NACC1: variants seen among roughly 807,000 people sequenced by gnomAD.
The protein encoded by NACC1 is nucleus accumbens-associated protein 1.
NACC1 carries 6 observed loss-of-function variants against 41.7 expected under a neutral mutation model. The ratio of observed to expected loss-of-function variants is 0.14; its 90% CI spans 0.08 to 0.28. The LOEUF (loss-of-function observed/expected upper bound fraction) is 0.28, where lower values mean the gene tolerates loss of function less well. Among genes scored for constraint, NACC1 ranks in the 10% least tolerant of loss-of-function variants. The pLI is 1.00. For synonymous variants in NACC1, 338 were observed against 330.6 expected (o/e 1.02, Z -0.24); for missense variants, 434 against 763.7 (o/e 0.57, Z 5.09).
chr19:13,125,243 C>T (rs1173269217), intron 1 of NACC1, among the ~76,000 whole-genome samples: 1 of 152,106 alleles, frequency 6.6e-6, no homozygotes, highest in Non-Finnish European at 1.5e-5. Flanking sequence ...TCCCATATCA[C>T]GGTGCTAGCA....
intron 1 of NACC1, among the ~76,000 whole-genome samples, chr19:13,124,126 C>A (rs1021796330): frequency 6.6e-6 from 1 of 152,130 alleles, no homozygotes; most frequent in Non-Finnish European, 1.5e-5. Flanking sequence ...AGGCCAGGTG[C>A]AGTGGCTCAC....
At chr19:13,128,958 T>C (rs557181792) in intron 1 of NACC1, among the ~76,000 whole-genome samples, 45 of 152,288 alleles carry the variant, frequency 3.0e-4, no homozygotes, top group African/African-American at 1.1e-3. Flanking sequence ...GGTGCTGATA[T>C]GCTGAATTTT....
At chr19:13,132,159 G>A (rs917356527) in intron 1 of NACC1, among the ~76,000 whole-genome samples, 2 of 97,888 alleles carry the variant, frequency 2.0e-5, no homozygotes, top group Non-Finnish European at 4.4e-5. Flanking sequence ...GCTCATGCCT[G>A]TAATCCTACA....
At chr19:13,119,931 C>G (rs538171518) in intron 1 of NACC1, among the ~76,000 whole-genome samples, 1 of 152,162 alleles carries the variant, frequency 6.6e-6, no homozygotes, top group East Asian at 1.9e-4. Flanking sequence ...TGGCTTGTCT[C>G]AGATCACATG....
intron 1 of NACC1, among the ~76,000 whole-genome samples, chr19:13,120,500 C>G (rs569833118): frequency 1.3e-5 from 2 of 152,318 alleles, no homozygotes; most frequent in African/African-American, 4.8e-5. Context: ...GGTTGTCACC[C>G]TAATTCTCCC....
In NACC1 at chr19:13,138,077, G is replaced by T; in HGVS notation, c.1325-70G>T. 2 of 1,579,166 alleles carry T rather than the reference G, an allele frequency of 1.3e-6. No homozygotes were observed. Among genetic ancestry groups the T allele is most frequent in the Non-Finnish European group, 1.7e-6 (2 of 1,160,678 alleles). On this transcript the variant is annotated intron_variant, in intron 5 of 5. Coordinates refer to ENST00000292431, the MANE Select transcript of NACC1 (RefSeq NM_052876.4). The surrounding 1 kb of genome is among the most constrained non-coding windows in gnomAD (Gnocchi z 5.7). ...AGAGGGAGTCGCAGATGCTGTAGGG[G>T]AGCTGGTGAGTAGGCCTTGTGGGAG... is the stretch of plus-strand genomic sequence containing the variant.
rs1568386575 is a variant in NACC1 at position 13,137,740 on chromosome 19, C to T, written c.1324+165C>T. Among the ~76,000 whole-genome samples the T allele has an allele frequency of 6.6e-6, 1 of 152,136 alleles. No homozygotes were observed. The highest frequency in any genetic ancestry group is 2.4e-5 in the African/African-American group (1 of 41,428). On this transcript the variant is annotated intron_variant, in intron 5 of 5. Coordinates refer to ENST00000292431, the MANE Select transcript of NACC1 (RefSeq NM_052876.4). The surrounding 1 kb of genome is among the most constrained non-coding windows in gnomAD (Gnocchi z 6.1). ...GGCTGTGATTGCTTAGAGATTTCTT[C>T]GTGTTTGGGGGATGCACGTGCCGAA...
intron 1 of NACC1, among the ~76,000 whole-genome samples, chr19:13,131,336 GCTTGGAGCACCC>G (rs1333385048): frequency 1.3e-5 from 2 of 152,204 alleles, no homozygotes; most frequent in African/African-American, 2.4e-5. Context: ...TGGGGAATGA[GCTTGGAGCACCC>G]CTCTAGGAAC....
chr19:13,121,956 C>T (rs990290758), intron 1 of NACC1, among the ~76,000 whole-genome samples: 4 of 152,150 alleles, frequency 2.6e-5, no homozygotes, highest in African/African-American at 9.7e-5. Context: ...CCCTGTGCCG[C>T]CTTCCAGCCA....
In NACC1 at chr19:13,140,100, C is replaced by T. The variant is rs1211241138; in HGVS notation, c.*1694C>T. Reference sequence around the variant, plus strand: ...CCGGCCCACTGGGGGTCCCTCTTAACATCTGCTTGTTGCGGGGGTCAGTCA... The same window carrying T: ...CCGGCCCACTGGGGGTCCCTCTTAATATCTGCTTGTTGCGGGGGTCAGTCA... On this transcript the variant is annotated 3_prime_UTR_variant, in exon 6 of 6. Coordinates refer to ENST00000292431, the MANE Select transcript of NACC1 (RefSeq NM_052876.4). The surrounding 1 kb of genome is among the most constrained non-coding windows in gnomAD (Gnocchi z 4.0). 1.3e-5 allele frequency: 2 copies of T among 152,708 alleles called. No homozygotes were observed. The highest frequency in any genetic ancestry group is 4.8e-5 in the African/African-American group (2 of 41,428). 9.5% of individuals were successfully genotyped at this position (152,708 alleles called of 1,614,324 possible).
At chr19:13,125,189 TAAAC>T (rs1315673975) in intron 1 of NACC1, among the ~76,000 whole-genome samples, 1 of 152,036 alleles carries the variant, frequency 6.6e-6, no homozygotes, top group African/African-American at 2.4e-5. Context: ...GGGCCATTGA[TAAAC>T]AACAGAGATG....
chr19:13,120,515 C>T (rs979236946), intron 1 of NACC1, among the ~76,000 whole-genome samples: 6 of 152,228 alleles, frequency 3.9e-5, no homozygotes, highest in Non-Finnish European at 7.3e-5. Context: ...TCTCCCCAGT[C>T]TCCCTATAGT....
Position 13,140,778 on chromosome 19 carries a change from T to C in NACC1, c.*2372T>C. On this transcript the variant is annotated 3_prime_UTR_variant, in exon 6 of 6. Coordinates refer to ENST00000292431, the MANE Select transcript of NACC1 (RefSeq NM_052876.4). This position sits in a 1 kb window ranked among gnomAD's most constrained non-coding sequence, Gnocchi z 4.0. ...CCTCCACCCCTACCCCTGGGCGGCC[T>C]GCTGCTTTTTCCTTCTCTTCCTCCC... 1 of 150,006 alleles carries C rather than the reference T, an allele frequency of 6.7e-6. No individual in the cohort carries two copies. Among genetic ancestry groups the C allele is most frequent in the Non-Finnish European group, 1.5e-5 (1 of 67,814 alleles). 9.3% of individuals were successfully genotyped at this position (150,006 alleles called of 1,614,324 possible).
Position 13,137,409 on chromosome 19 carries a change from G to C in NACC1, c.1226+33G>C, listed in dbSNP as rs1276507700. 1.4e-6 allele frequency: 2 copies of C among 1,430,732 alleles called. No homozygotes were observed. The highest frequency in any genetic ancestry group is 2.0e-6 in the Non-Finnish European group (2 of 1,013,676). The allele number at this position is 1,430,732 out of a possible 1,614,324, so 88.6% of individuals were successfully genotyped here. On this transcript the variant is annotated intron_variant, in intron 4 of 5. Coordinates refer to ENST00000292431, the MANE Select transcript of NACC1 (RefSeq NM_052876.4). This position sits in a 1 kb window ranked among gnomAD's most constrained non-coding sequence, Gnocchi z 6.1. ...CCTTGCCAGAGCCCCAGGGAGGGGG[G>C]TGGGGTTTCCCCATGTCCCCCCCAC...
rs755066635 is a variant in NACC1, at chr19:13,137,048, T to G, written c.1121-223T>G. On this transcript the variant is annotated intron_variant, in intron 3 of 5. Coordinates refer to ENST00000292431, the MANE Select transcript of NACC1 (RefSeq NM_052876.4). This position sits in a 1 kb window ranked among gnomAD's most constrained non-coding sequence, Gnocchi z 6.1. ...CCCCGAGGATGGTGAAGCAACCCTT[T>G]CTGTCCTTTCCTGAGCACTGATGAG... Among the ~76,000 whole-genome samples, 1 of 152,156 alleles carries G rather than the reference T, an allele frequency of 6.6e-6. No individual in the cohort carries two copies. Among genetic ancestry groups the G allele is most frequent in the Non-Finnish European group, 1.5e-5 (1 of 68,016 alleles).
chr19:13,127,681 C>CA (rs907382539), intron 1 of NACC1, among the ~76,000 whole-genome samples: 70 of 126,878 alleles, frequency 5.5e-4, no homozygotes, highest in African/African-American at 6.5e-4. Context: ...GACTCTGCCT[C>CA]AAAAAAAAAA....
At position 13,136,056 on chromosome 19, in the gene NACC1, C is replaced by T. The variant is rs776238415; in HGVS notation, c.849C>T (p.Asp283=). The T allele has an allele frequency of 3.0e-4, 488 of 1,613,972 alleles. No homozygotes were observed. Among genetic ancestry groups the T allele is most frequent in the Non-Finnish European group, 3.8e-4 (453 of 1,180,022 alleles). The change falls in exon 2 of 6, where the codon GAC becomes GAT. Residue 283 remains aspartate (D), a synonymous_variant. Transcript: ENST00000292431. The surrounding 1 kb of genome is among the most constrained non-coding windows in gnomAD (Gnocchi z 5.5). The part of the protein sequence containing the change: ...DSPGSYHNEE[D]EEEDGGEEGM... ...CTGGCTCCTACCACAATGAGGAGGA[C>T]GAGGAGGAGGATGGTGGCGAGGAGG...
Position 13,138,065 on chromosome 19 carries a change from G to T in NACC1, c.1325-82G>T. ...GTTTCCCCTTTGAGAGGGAGTCGCA[G>T]ATGCTGTAGGGGAGCTGGTGAGTAG... On this transcript the variant is annotated intron_variant, in intron 5 of 5. Transcript: ENST00000292431. This position sits in a 1 kb window ranked among gnomAD's most constrained non-coding sequence, Gnocchi z 5.7. 6.4e-7 allele frequency: 1 copy of T among 1,561,078 alleles called. No homozygotes were observed. Among genetic ancestry groups the T allele is most frequent in the East Asian group, 2.3e-5 (1 of 43,904 alleles).
Position 13,134,555 on chromosome 19 carries a change from G to C in NACC1, c.-8-645G>C, listed in dbSNP as rs116675543. 2.9e-3 allele frequency among the ~76,000 whole-genome samples: 438 copies of C among 152,164 alleles called. 1 individual carries two copies. The highest frequency in any genetic ancestry group is 9.3e-3 in the African/African-American group (388 of 41,498). On this transcript the variant is annotated intron_variant, in intron 1 of 5. Transcript: ENST00000292431. Reference sequence around the variant, plus strand: ...CTGGCTAATTTTTGTATTTTTGGTAGACAGGGTTTTGCCACGTTGGCCAAG... The same window carrying C: ...CTGGCTAATTTTTGTATTTTTGGTACACAGGGTTTTGCCACGTTGGCCAAG...
Sources: allele counts gnomAD v4.1 joint callset (sites outside exome capture counted in the v4.1 genomes callset), GRCh38; gene constraint gnomAD v4.1.1; non-coding constraint Gnocchi (gnomAD v3.1); transcripts MANE v1.5; gene names NCBI Gene and HGNC (gene_info 2026-07-23, HGNC 2026-07-21).